COG5: variants seen among roughly 807,000 people sequenced by gnomAD.
COG5 encodes the protein conserved oligomeric Golgi complex subunit 5.
In COG5, 86 loss-of-function variants were observed where a neutral mutation model predicts 110.4. That is an observed-to-expected ratio of 0.78 (90% confidence interval 0.65 to 0.93). The LOEUF (loss-of-function observed/expected upper bound fraction) is 0.93. Ranked by LOEUF, COG5 falls within the 40% of genes least tolerant of loss-of-function variation. The probability of loss-of-function intolerance (pLI) is 0.00; values close to 1 mark genes in which losing one functional copy is unlikely to be tolerated. For synonymous variants in COG5, 360 were observed against 334.6 expected, an observed-to-expected ratio of 1.08 and a Z score of -0.83; for missense variants, 1,077 against 987.0, an observed-to-expected ratio of 1.09 and a Z score of -1.22.
At chr7:107,445,550 T>C (rs577955644) in intron 6 of COG5, among the ~76,000 whole-genome samples, 6 of 152,362 alleles carry the variant, frequency 3.9e-5, no homozygotes, top group African/African-American at 1.2e-4. Context: ...TAATGAAAGA[T>C]GAATTGGAAA....
intron 5 of COG5, among the ~76,000 whole-genome samples, chr7:107,532,096 G>T (rs536518566): frequency 6.6e-6 from 1 of 151,918 alleles, no homozygotes; most frequent in Non-Finnish European, 1.5e-5. Context: ...CGCTTTTGTC[G>T]CCCAGGCTAG....
chr7:107,517,260 C>T (rs1266755039), intron 6 of COG5, among the ~76,000 whole-genome samples: 1 of 151,638 alleles, frequency 6.6e-6, no homozygotes, highest in Non-Finnish European at 1.5e-5. Context: ...TGAAGATCAC[C>T]TTGCTGAAAT....
chr7:107,399,201 G>GA (rs1003558223), intron 7 of COG5, among the ~76,000 whole-genome samples: 1 of 149,752 alleles, frequency 6.7e-6, no homozygotes, highest in Non-Finnish European at 1.5e-5. Context: ...GACTCTGTCT[G>GA]AAAAAAAAAG....
chr7:107,269,654 A>G (rs1425795641), intron 14 of COG5, among the ~76,000 whole-genome samples: 1 of 152,020 alleles, frequency 6.6e-6, no homozygotes, highest in African/African-American at 2.4e-5. Flanking sequence ...ATTAGTCACT[A>G]TTATTTCTTA....
At chr7:107,437,059 G>A (rs546463053) in intron 6 of COG5, among the ~76,000 whole-genome samples, 44 of 152,110 alleles carry the variant, frequency 2.9e-4, no homozygotes, top group Admixed American at 1.4e-3. Flanking sequence ...ACCATTTACC[G>A]GCCATGCAAA....
intron 5 of COG5, among the ~76,000 whole-genome samples, chr7:107,529,556 C>T (rs1040439734): frequency 1.3e-5 from 2 of 152,236 alleles, no homozygotes; most frequent in Admixed American, 1.3e-4. Flanking sequence ...TTCCTAAACA[C>T]ACTGCCTGTG....
At chr7:107,370,817 T>TACAC (rs1554425123) in intron 8 of COG5, among the ~76,000 whole-genome samples, 1 of 148,614 alleles carries the variant, frequency 6.7e-6, no homozygotes, top group Non-Finnish European at 1.5e-5. Flanking sequence ...TATATATATA[T>TACAC]ACACACACAA....
chr7:107,522,847 C>T (rs533708805), intron 6 of COG5, among the ~76,000 whole-genome samples: 1 of 152,166 alleles, frequency 6.6e-6, no homozygotes, highest in South Asian at 2.1e-4. Context: ...ATCAGTTGTT[C>T]ATATATATGT....
chr7:107,410,057 A>G (rs1184543294), intron 7 of COG5, among the ~76,000 whole-genome samples: 1 of 152,252 alleles, frequency 6.6e-6, no homozygotes, highest in Non-Finnish European at 1.5e-5. Flanking sequence ...CAATGAAAAG[A>G]CTAGGCATAG....
chr7:107,472,949 A>AT (rs998476399), intron 6 of COG5: 1 of 151,890 alleles, frequency 6.6e-6, no homozygotes, highest in South Asian at 2.1e-4. Flanking sequence ...ATTAGACATT[A>AT]TTTTTTACAA....
intron 12 of COG5, among the ~76,000 whole-genome samples, chr7:107,285,865 GA>G (rs61521862): frequency 0.065 from 7,770 of 119,496 alleles, 659 homozygotes; most frequent in African/African-American, 0.21. Context: ...ACTCTGTCAA[GA>G]AAAAAAAAAA....
intron 10 of COG5, among the ~76,000 whole-genome samples, chr7:107,331,575 A>G (rs1215333251): frequency 6.6e-6 from 1 of 152,158 alleles, no homozygotes; most frequent in African/African-American, 2.4e-5. Flanking sequence ...TTTACTGAAA[A>G]AATCTAGGCA....
At chr7:107,469,343 A>G (rs1796496266) in intron 6 of COG5, among the ~76,000 whole-genome samples, 1 of 152,164 alleles carries the variant, frequency 6.6e-6, no homozygotes, top group Non-Finnish European at 1.5e-5. Flanking sequence ...TGAAAGGTGA[A>G]GACCAAGTAG....
chr7:107,516,557 A>C (rs1799939032), intron 6 of COG5, among the ~76,000 whole-genome samples: 2 of 152,220 alleles, frequency 1.3e-5, no homozygotes, highest in Admixed American at 6.5e-5. Context: ...GAAATCTTCT[A>C]TGTTTCTGGG....
At chr7:107,399,623 T>C (rs1791279841) in intron 7 of COG5, among the ~76,000 whole-genome samples, 1 of 152,198 alleles carries the variant, frequency 6.6e-6, no homozygotes, top group Non-Finnish European at 1.5e-5. Context: ...TAAACCTCTT[T>C]TCTTTATAAA....
chr7:107,438,153 A>G (rs796596885), intron 6 of COG5, among the ~76,000 whole-genome samples: 6 of 152,298 alleles, frequency 3.9e-5, no homozygotes, highest in African/African-American at 1.2e-4. Flanking sequence ...ATCCCAAAAT[A>G]TGACTCTTTG....
At chr7:107,333,362 A>G (rs1810435258) in intron 10 of COG5, among the ~76,000 whole-genome samples, 1 of 152,168 alleles carries the variant, frequency 6.6e-6, no homozygotes, top group African/African-American at 2.4e-5. Context: ...AGGAACTTCA[A>G]GATGAACACC....
chr7:107,279,656 T>A (rs551091724), intron 14 of COG5, among the ~76,000 whole-genome samples: 4 of 152,246 alleles, frequency 2.6e-5, no homozygotes, highest in South Asian at 4.1e-4. Context: ...AATATATTTT[T>A]AAAAATAAGG....
intron 14 of COG5, among the ~76,000 whole-genome samples, chr7:107,280,610 T>C (rs1805089143): frequency 6.7e-6 from 1 of 149,518 alleles, no homozygotes; most frequent in Admixed American, 6.7e-5. Context: ...TCAATAATGG[T>C]AAAAAAAAAA....
Sources: allele counts gnomAD v4.1 joint callset (sites outside exome capture counted in the v4.1 genomes callset), GRCh38; gene constraint gnomAD v4.1.1; transcripts MANE v1.5; gene names NCBI Gene and HGNC (gene_info 2026-07-23, HGNC 2026-07-21).